The following CLNK variants were observed in gnomAD, a reference collection of about 807,000 sequenced individuals.
CLNK encodes the protein cytokine dependent hematopoietic cell linker, also known as cytokine-dependent hematopoietic cell linker.
Under a neutral mutation model 68.6 loss-of-function variants are expected in CLNK, and 74 were observed. The observed-to-expected ratio is 1.08, with a 90% confidence interval of 0.89 to 1.31. The LOEUF is 1.31. CLNK is among the 50% of genes most tolerant of loss of function. The pLI is 0.00. For synonymous variants in CLNK, 198 were observed against 172.2 expected, an observed-to-expected ratio of 1.15 and a Z score of -1.17; for missense variants, 553 against 515.3, an observed-to-expected ratio of 1.07 and a Z score of -0.71.
At chr4:10,498,519 AT>A (rs1402293749) in intron 18 of CLNK, among the ~76,000 whole-genome samples, 1 of 152,106 alleles carries the variant, frequency 6.6e-6, no homozygotes, top group Non-Finnish European at 1.5e-5. Context: ...ATAAATAAGA[AT>A]TATATAATGC....
chr4:10,660,118 G>C (rs1006102387), intron 2 of CLNK, among the ~76,000 whole-genome samples: 1 of 152,192 alleles, frequency 6.6e-6, no homozygotes. Flanking sequence ...TCATGGATCA[G>C]GTTCTCCAAA....
intron 1 of CLNK, among the ~76,000 whole-genome samples, chr4:10,670,341 A>G (rs1409685450): frequency 1.3e-5 from 2 of 152,256 alleles, no homozygotes; most frequent in African/African-American, 4.8e-5. Flanking sequence ...ATCCCTTAAG[A>G]GTATCTACCA....
chr4:10,522,257 C>CA (rs5856060), intron 14 of CLNK, among the ~76,000 whole-genome samples: 20 of 121,014 alleles, frequency 1.7e-4, no homozygotes, highest in South Asian at 2.8e-4. Flanking sequence ...GACTCTGTCT[C>CA]AAAAAAAAAA....
At chr4:10,711,840 G>T in the CLNK span, among the ~76,000 whole-genome samples, 1 of 152,178 alleles carries the variant, frequency 6.6e-6, no homozygotes, top group Non-Finnish European at 1.5e-5. Flanking sequence ...AAGAATTCCT[G>T]ACTACTCCTG....
Position 10,677,837 on chromosome 4 carries a change from C to CAAT in CLNK, c.-43+6828_-43+6830dup, listed in dbSNP as rs68067128. ...TGTGAAAATGGACTAATAAAAATAG[C>CAAT]AATAATAATAATAATAATAATAATA... On this transcript the variant is annotated intron_variant, in intron 1 of 18. Transcript: ENST00000226951. Among the ~76,000 whole-genome samples, 669 of 149,166 alleles carry CAAT rather than the reference C, an allele frequency of 4.5e-3. 3 individuals carry two copies. Among genetic ancestry groups the CAAT allele is most frequent in the African/African-American group, 8.8e-3 (358 of 40,778 alleles).
chr4:10,718,095 C>CA, the CLNK span, among the ~76,000 whole-genome samples: 311 of 152,188 alleles, frequency 2.0e-3, 3 homozygotes, highest in South Asian at 0.028. Flanking sequence ...AAATTCTATA[C>CA]AAAACCTCAA....
chr4:10,716,067 T>C, the CLNK span, among the ~76,000 whole-genome samples: 1,448 of 152,346 alleles, frequency 9.5e-3, 9 homozygotes, highest in Non-Finnish European at 0.015. Flanking sequence ...ATTTTTAAAA[T>C]TGGGATTTCT....
the CLNK span, among the ~76,000 whole-genome samples, chr4:10,730,490 T>C: frequency 6.6e-6 from 1 of 152,238 alleles, no homozygotes; most frequent in African/African-American, 2.4e-5. Context: ...ATTGAATTTT[T>C]AATCTTGCAT....
chr4:10,517,762 A>G (rs1426523911), intron 15 of CLNK, among the ~76,000 whole-genome samples: 1 of 152,204 alleles, frequency 6.6e-6, no homozygotes, highest in Non-Finnish European at 1.5e-5. Flanking sequence ...TTGCTTGGAT[A>G]TTTTAAAAGT....
chr4:10,607,621 A>C (rs1014427798), intron 2 of CLNK, among the ~76,000 whole-genome samples: 1 of 152,192 alleles, frequency 6.6e-6, no homozygotes, highest in Non-Finnish European at 1.5e-5. Flanking sequence ...AAAGTTAGGG[A>C]AATGGCTCAA....
chr4:10,628,891 A>G (rs765610337), intron 2 of CLNK, among the ~76,000 whole-genome samples: 1 of 152,168 alleles, frequency 6.6e-6, no homozygotes, highest in African/African-American at 2.4e-5. Context: ...AGCTGAACCC[A>G]TATTGCAGGA....
At chr4:10,718,441 G>C in the CLNK span, among the ~76,000 whole-genome samples, 1 of 151,950 alleles carries the variant, frequency 6.6e-6, no homozygotes, top group African/African-American at 2.4e-5. Context: ...GATTGGCAGT[G>C]AATTTCTCAT....
chr4:10,552,752 G>C (rs6837268), intron 8 of CLNK, among the ~76,000 whole-genome samples: 1 of 152,006 alleles, frequency 6.6e-6, no homozygotes, highest in East Asian at 1.9e-4. Flanking sequence ...TCTCCCACGT[G>C]GTGTGGCCAG....
the CLNK span, among the ~76,000 whole-genome samples, chr4:10,714,876 GA>G: frequency 6.6e-6 from 1 of 152,046 alleles, no homozygotes; most frequent in Non-Finnish European, 1.5e-5. Context: ...AAAGAATGTT[GA>G]AAAATGCTGG....
intron 2 of CLNK, among the ~76,000 whole-genome samples, chr4:10,644,941 T>A (rs1158517191): frequency 6.6e-6 from 1 of 152,226 alleles, no homozygotes. Context: ...TTTATGCCAA[T>A]CTTAGCTAGA....
chr4:10,603,624 G>T (rs1577160468), intron 2 of CLNK, among the ~76,000 whole-genome samples: 1 of 152,338 alleles, frequency 6.6e-6, no homozygotes, highest in South Asian at 2.1e-4. Context: ...GCAGAATTGG[G>T]CAGGGGGAAA....
In CLNK at chr4:10,487,112, T is replaced by C. The variant is rs1560184059; in HGVS notation, c.*3355A>G. ...ATAAAGCTAAAATTCTATTACTCTA[T>C]TGAAATCAGATATCAAGTGATACTT... On this transcript the variant is annotated 3_prime_UTR_variant, in exon 19 of 19. Transcript: ENST00000226951. 1 of 152,214 alleles carries C rather than the reference T, an allele frequency of 6.6e-6. No homozygotes were observed. The highest frequency in any genetic ancestry group is 2.1e-4 in the South Asian group (1 of 4,834). The allele number at this position is 152,214 out of a possible 1,614,324, so 9.4% of individuals were successfully genotyped here.
intron 14 of CLNK, among the ~76,000 whole-genome samples, chr4:10,523,624 G>T (rs1185982224): frequency 4.6e-5 from 7 of 151,054 alleles, no homozygotes; most frequent in Non-Finnish European, 8.9e-5. Flanking sequence ...ATAAACAAAA[G>T]AAGTGAAACC....
At chr4:10,610,250 GT>G (rs1333387117) in intron 2 of CLNK, among the ~76,000 whole-genome samples, 2 of 148,908 alleles carry the variant, frequency 1.3e-5, no homozygotes, top group Non-Finnish European at 3.0e-5. Flanking sequence ...TAGAGACGGG[GT>G]TTCACCGTGG....
Sources: allele counts gnomAD v4.1 joint callset (sites outside exome capture counted in the v4.1 genomes callset), GRCh38; gene constraint gnomAD v4.1.1; transcripts MANE v1.5; gene names NCBI Gene and HGNC (gene_info 2026-07-23, HGNC 2026-07-21).